The following IFNGR1 variants were observed in gnomAD, a reference collection of about 807,000 sequenced individuals.
The protein encoded by IFNGR1 is interferon gamma receptor 1, also known as AVP, type 2.
In IFNGR1, 23 loss-of-function variants were observed where a neutral mutation model predicts 35.4. The ratio of observed to expected loss-of-function variants is 0.65; its 90% CI spans 0.47 to 0.92. IFNGR1 has a LOEUF of 0.92. IFNGR1 is among the 40% of genes least tolerant of loss of function. The probability of loss-of-function intolerance (pLI) is 0.00; values close to 1 mark genes in which losing one functional copy is unlikely to be tolerated. For missense variants in IFNGR1, 533 were observed against 583.4 expected (o/e 0.91, Z 0.89); for synonymous variants, 199 against 209.5 (o/e 0.95, Z 0.43).
intron 1 of IFNGR1, among the ~76,000 whole-genome samples, chr6:137,210,954 C>T (rs1313573908): frequency 6.6e-6 from 1 of 152,028 alleles, no homozygotes; most frequent in Non-Finnish European, 1.5e-5. Context: ...AAATAATAGG[C>T]ACTAATGGAC....
rs1779792226 is a variant in IFNGR1 at position 137,219,384 on chromosome 6, C to A, written c.-57G>T. ...GAGCGCCTGCGGGACCAGCCCAGCA[C>A]TGCCCTCCAGCCCCGGCCTTACGTC... is the stretch of plus-strand genomic sequence containing the variant. On this transcript the variant is annotated 5_prime_UTR_variant, in exon 1 of 7. Coordinates refer to ENST00000367739, the MANE Select transcript of IFNGR1 (RefSeq NM_000416.3). 15 of 1,560,864 alleles carry A rather than the reference C, an allele frequency of 9.6e-6. No individual in the cohort carries two copies. Among genetic ancestry groups the A allele is most frequent in the South Asian group, 7.1e-5 (6 of 84,766 alleles).
rs532172582 is a variant in IFNGR1 at position 137,199,644 on chromosome 6, T to C, written c.862-1005A>G. On this transcript the variant is annotated intron_variant, in intron 6 of 6. Coordinates refer to ENST00000367739, the MANE Select transcript of IFNGR1 (RefSeq NM_000416.3). ...TATATATATATCTTTATATATATAT[T>C]CCATTAGTTCTGTCCCTCTAGAGAA... 3.5e-4 allele frequency among the ~76,000 whole-genome samples: 47 copies of C among 135,904 alleles called. 2 individuals carry two copies. The South Asian group carries it at 0.01, about 30-fold the overall frequency. 89.2% of individuals were successfully genotyped at this position (135,904 alleles called of 152,430 possible). A position where few individuals can be genotyped will look rare whatever the true frequency, so the allele number is the denominator to read the frequency against.
At chr6:137,207,126 T>C (rs757426347) in intron 1 of IFNGR1, 49 bp from the exon 2 acceptor site, 2 of 1,606,108 alleles carry the variant, frequency 1.2e-6, no homozygotes, top group South Asian at 2.2e-5. Context: ...AAACTAACAT[T>C]AATATTGGAA....
intron 1 of IFNGR1, chr6:137,215,304 T>A (rs1404946031): frequency 5.8e-6 from 9 of 1,549,328 alleles, no homozygotes; most frequent in Non-Finnish European, 7.9e-6. Flanking sequence ...GACTATTTTC[T>A]GGTGACTTCA....
intron 3 of IFNGR1, among the ~76,000 whole-genome samples, chr6:137,205,904 G>A (rs1359241585): frequency 6.6e-6 from 1 of 152,056 alleles, no homozygotes; most frequent in Non-Finnish European, 1.5e-5. Context: ...CATCCAAAAT[G>A]CTCCAATGAG....
In IFNGR1 at chr6:137,197,856, C is replaced by G; in HGVS notation, c.*175G>C. On this transcript the variant is annotated 3_prime_UTR_variant, in exon 7 of 7. Transcript: ENST00000367739. ...AAAAAAAAAAAAAGTCTGTACTTTA[C>G]AAGCCAAAAGTGAAAATGCCACACA... 2.7e-6 allele frequency: 2 copies of G among 746,502 alleles called. No homozygotes were observed. The highest frequency in any genetic ancestry group is 2.9e-5 in the Admixed American group (1 of 34,812). The allele number at this position is 746,502 out of a possible 1,614,324, so 46.2% of individuals were successfully genotyped here.
At chr6:137,203,707 T>G in intron 4 of IFNGR1, 22 bp from the exon 5 acceptor site, 2 of 1,590,038 alleles carry the variant, frequency 1.3e-6, no homozygotes, top group East Asian at 2.2e-5. Flanking sequence ...AAGAAAACAG[T>G]GAAAATGCAC....
At chr6:137,214,018 G>A (rs1019210771) in intron 1 of IFNGR1, among the ~76,000 whole-genome samples, 6 of 152,186 alleles carry the variant, frequency 3.9e-5, no homozygotes, top group African/African-American at 7.2e-5. Context: ...GGAAGAGCAC[G>A]CTGAGAAGCA....
Position 137,198,455 on chromosome 6 carries a change from A to G in IFNGR1, c.1046T>C (p.Leu349Pro). 2 of 1,614,184 alleles carry G rather than the reference A, an allele frequency of 1.2e-6. No individual in the cohort carries two copies. Among genetic ancestry groups the G allele is most frequent in the Non-Finnish European group, 1.7e-6 (2 of 1,180,038 alleles). ...AGTCACCACTTCTGTTATACTAGAA[A>G]GTTCTTCTGTATGTTCCACTTTTCC... The part of the protein sequence containing the change: ...NPGKVEHTEE[L>P]SSITEVVTTE... Residue 349 changes from leucine to proline, a missense_variant, in exon 7 of 7, where the codon CTT becomes CCT. Physicochemically the swap from Leu to Pro is moderately conservative, Grantham distance 98 (BLOSUM62 -3). Transcript: ENST00000367739.
Position 137,198,256 on chromosome 6 carries a change from A to G in IFNGR1, c.1245T>C (p.Asp415=). 6.2e-7 allele frequency: 1 copy of G among 1,614,168 alleles called. No individual in the cohort carries two copies. Among genetic ancestry groups the G allele is most frequent in the Non-Finnish European group, 8.5e-7 (1 of 1,180,038 alleles). ...AGCTATGTGATTCCAGACAGCTGGA[A>G]TCAGTATCAAAACCATTTCTGGAGT... ...SDHSRNGFDT[D]SSCLESHSSL... is the part of the protein sequence containing the mutation. Residue 415 remains aspartate, a synonymous_variant, in exon 7 of 7, where the codon GAT becomes GAC. Transcript: ENST00000367739.
intron 6 of IFNGR1, 34 bp downstream of exon 6, chr6:137,200,847 T>G: frequency 6.8e-7 from 1 of 1,464,246 alleles, no homozygotes; most frequent in South Asian, 1.2e-5. Flanking sequence ...TCAAGTTAAC[T>G]TTTTAGTGTA....
intron 6 of IFNGR1, among the ~76,000 whole-genome samples, chr6:137,199,855 G>A (rs1054755865): frequency 1.3e-5 from 2 of 151,538 alleles, no homozygotes; most frequent in Non-Finnish European, 1.5e-5. Flanking sequence ...TATGGAACAT[G>A]TTAAATATCC....
intron 6 of IFNGR1, among the ~76,000 whole-genome samples, chr6:137,199,204 C>T (rs1449641843): frequency 6.7e-6 from 1 of 149,650 alleles, no homozygotes; most frequent in East Asian, 2.0e-4. Context: ...GCTCCTCAGC[C>T]TGCAGATGGC....
At chr6:137,203,468 T>C (rs1779338038) in intron 5 of IFNGR1, 31 bp downstream of exon 5, 3 of 1,176,160 alleles carry the variant, frequency 2.6e-6, no homozygotes, top group East Asian at 4.7e-5. Flanking sequence ...CTGCTCCCTC[T>C]ATATTTAGAA....
rs373986977 is a variant in IFNGR1, at chr6:137,213,580, A to G, written c.85+5663T>C. On this transcript the variant is annotated intron_variant, in intron 1 of 6. Coordinates refer to ENST00000367739, the MANE Select transcript of IFNGR1 (RefSeq NM_000416.3). Reference sequence around the variant, plus strand: ...AGAAAGCTGATAAGCCAGAAGAGACAGGATATGAAAAAAGAGAGACAACAC... The same window carrying G: ...AGAAAGCTGATAAGCCAGAAGAGACGGGATATGAAAAAAGAGAGACAACAC... Among the ~76,000 whole-genome samples the G allele has an allele frequency of 4.2e-3, 634 of 152,380 alleles. 4 individuals carry two copies. Among genetic ancestry groups the G allele is most frequent in the Middle Eastern group, 0.041 (12 of 294 alleles).
intron 6 of IFNGR1, among the ~76,000 whole-genome samples, chr6:137,199,514 AATATATTATATATAATATATAAT>A (rs1779206151): frequency 1.8e-5 from 1 of 56,106 alleles, no homozygotes; most frequent in African/African-American, 9.4e-5. Context: ...TATAATTTAT[AATATATTATATATAATATATAAT>A]ATATATTATA....
At position 137,212,607 on chromosome 6, in the gene IFNGR1, C is replaced by T. The variant is rs149752784; in HGVS notation, c.86-5530G>A. On this transcript the variant is annotated intron_variant, in intron 1 of 6. Coordinates refer to ENST00000367739, the MANE Select transcript of IFNGR1 (RefSeq NM_000416.3). ...GTAGGAATGGCTTTATAATGGTATA[C>T]GCTCAACCTGAAATTCCTGTGAGAA... Among the ~76,000 whole-genome samples the T allele has an allele frequency of 2.2e-3, 341 of 152,196 alleles. 2 individuals are homozygous for T. The highest frequency in any genetic ancestry group is 7.0e-3 in the African/African-American group (291 of 41,536).
At position 137,206,243 on chromosome 6, in the gene IFNGR1, T is replaced by C; in HGVS notation, c.266A>G (p.Asp89Gly). The change falls in exon 3 of 7, where the codon GAT becomes GGT. Residue 89 changes from aspartate (D) to glycine (G), a missense_variant. By Grantham distance (94) the Asp-to-Gly change is moderately conservative. Transcript: ENST00000367739. ...AGAATTTGATGGATCACCAACATGA[T>C]CAGAAATATTACAATAATGATGAGA... Reference protein sequence around the residue: ...NISHHYCNISDHVGDPSNSLW... With the variant: ...NISHHYCNISGHVGDPSNSLW... 1.9e-6 allele frequency: 3 copies of C among 1,611,360 alleles called. No individual in the cohort carries two copies. In the South Asian group the frequency reaches 3.3e-5, roughly 18 times the overall value.
chr6:137,200,869 T>C lies in IFNGR1; in HGVS notation c.861+12A>G. 6.5e-7 allele frequency: 1 copy of C among 1,544,562 alleles called. No homozygotes were observed. The highest frequency in any genetic ancestry group is 8.8e-7 in the Non-Finnish European group (1 of 1,132,770). Reference sequence around the variant, plus strand: ...AACTTTTTAGTGTATATAAAAAAATTAAATACATTACCAAGGACTTGGGTA... The same window carrying C: ...AACTTTTTAGTGTATATAAAAAAATCAAATACATTACCAAGGACTTGGGTA... On this transcript the variant is annotated intron_variant, in intron 6 of 6. Coordinates refer to ENST00000367739, the MANE Select transcript of IFNGR1 (RefSeq NM_000416.3).
Sources: allele counts gnomAD v4.1 joint callset (sites outside exome capture counted in the v4.1 genomes callset), GRCh38; gene constraint gnomAD v4.1.1; transcripts MANE v1.5; gene names NCBI Gene and HGNC (gene_info 2026-07-23, HGNC 2026-07-21).